Variants in ULK4 observed in about 807,000 individuals in gnomAD.
The protein encoded by ULK4 is inactive serine/threonine-protein kinase ULK4.
A neutral mutation model predicts 160.6 loss-of-function variants in ULK4; 133 were observed. That is an observed-to-expected ratio of 0.83 (90% CI 0.72 to 0.96). The LOEUF (loss-of-function observed/expected upper bound fraction) is 0.96, where lower values mean the gene tolerates loss of function less well. ULK4 is among the 40% of genes least tolerant of loss of function. The pLI, the probability that ULK4 is intolerant of heterozygous loss-of-function variation, is 0.00. For synonymous variants in ULK4, 534 were observed against 539.8 expected (o/e 0.99, Z 0.15); for missense variants, 1,580 against 1,499.5 (o/e 1.05, Z -0.89).
chr3:41,918,682 C>A (rs570211344), intron 6 of ULK4, 142 bp from the exon 7 acceptor site: 5,123 of 452,376 alleles, frequency 0.011, 191 homozygotes, highest in East Asian at 0.099. Context: ...GCTCACTGCA[C>A]ACTCCGCCTC....
chr3:41,813,408 T>A (rs2040872749), intron 19 of ULK4, among the ~76,000 whole-genome samples: 1 of 152,254 alleles, frequency 6.6e-6, no homozygotes, highest in South Asian at 2.1e-4. Flanking sequence ...GTTTATTAGA[T>A]AATTCTGATG....
chr3:41,495,246 C>T (rs1463541292), intron 32 of ULK4, among the ~76,000 whole-genome samples: 1 of 152,044 alleles, frequency 6.6e-6, no homozygotes, highest in African/African-American at 2.4e-5. Flanking sequence ...ATCAATGGAA[C>T]AGAACAGAGC....
rs1282141076 is a variant in ULK4 at position 41,929,316 on chromosome 3, A to C, written c.541+2528T>G. Among the ~76,000 whole-genome samples, 6 of 152,226 alleles carry C rather than the reference A, an allele frequency of 3.9e-5. No individual in the cohort carries two copies. The South Asian group carries it at 6.2e-4, about 16-fold the overall frequency. ...CCGCTTCATGCTAAAAACTCTCAAT[A>C]AACTTGGTATTGATGGAACGTATCT... On this transcript the variant is annotated intron_variant, in intron 5 of 36. Coordinates refer to ENST00000301831, the MANE Select transcript of ULK4 (RefSeq NM_017886.4).
intron 31 of ULK4, among the ~76,000 whole-genome samples, chr3:41,583,862 T>C (rs2030572891): frequency 6.6e-6 from 1 of 152,232 alleles, no homozygotes; most frequent in African/African-American, 2.4e-5. Context: ...TGTCAAAAGG[T>C]ACACAAATGT....
At chr3:41,689,049 G>A (rs908243192) in intron 27 of ULK4, among the ~76,000 whole-genome samples, 3 of 152,082 alleles carry the variant, frequency 2.0e-5, no homozygotes, top group South Asian at 2.1e-4. Context: ...AATGTTCCCC[G>A]AACCAATCAC....
At chr3:41,519,734 C>A (rs1361727765) in intron 32 of ULK4, among the ~76,000 whole-genome samples, 1 of 152,198 alleles carries the variant, frequency 6.6e-6, no homozygotes, top group Non-Finnish European at 1.5e-5. Flanking sequence ...TTTAATATAT[C>A]TTTTACCTGA....
intron 2 of ULK4, among the ~76,000 whole-genome samples, chr3:41,949,313 CAG>C (rs1700211786): frequency 1.3e-5 from 2 of 148,612 alleles, no homozygotes; most frequent in Admixed American, 6.6e-5. Flanking sequence ...GTCACACACA[CAG>C]ACACACACAC....
intron 31 of ULK4, among the ~76,000 whole-genome samples, chr3:41,602,719 T>C (rs2032178274): frequency 6.6e-6 from 1 of 152,138 alleles, no homozygotes; most frequent in Non-Finnish European, 1.5e-5. Flanking sequence ...AAAAGAAATT[T>C]CTGTGAAGGC....
At chr3:41,577,917 T>A (rs1210404215) in intron 31 of ULK4, among the ~76,000 whole-genome samples, 9 of 152,198 alleles carry the variant, frequency 5.9e-5, no homozygotes, top group Admixed American at 5.2e-4. Context: ...TTGCCCACAC[T>A]GGAGTAACAC....
chr3:41,895,504 T>C lies in ULK4; in HGVS notation c.1577+14A>G, dbSNP rs750048609. The C allele has an allele frequency of 1.6e-5, 22 of 1,374,898 alleles. No homozygotes were observed. In the East Asian group the frequency reaches 5.9e-4, roughly 37 times the overall value. The allele number at this position is 1,374,898 out of a possible 1,614,324, so 85.2% of individuals were successfully genotyped here. ...GTCATGAAAAATAATTTTTAAAATATAAACGTTACTTACATATCCCAGTTT... is the reference window on the plus strand; with the variant it reads ...GTCATGAAAAATAATTTTTAAAATACAAACGTTACTTACATATCCCAGTTT... On this transcript the variant is annotated intron_variant, in intron 16 of 36. Coordinates refer to ENST00000301831, the MANE Select transcript of ULK4 (RefSeq NM_017886.4).
chr3:41,608,068 C>T (rs887987634), intron 31 of ULK4, among the ~76,000 whole-genome samples: 1 of 152,132 alleles, frequency 6.6e-6, no homozygotes, highest in Non-Finnish European at 1.5e-5. Flanking sequence ...CAAAGATAAA[C>T]CTAAAATTTC....
rs771017497 is a variant in ULK4 at position 41,681,498 on chromosome 3, T to C, written c.2978+10A>G. The C allele has an allele frequency of 3.7e-6, 6 of 1,613,726 alleles. No individual in the cohort carries two copies. In the East Asian group the frequency reaches 1.1e-4, roughly 30 times the overall value. ...ACTTCTCTGCATGAATACAACTGCA[T>C]GATACTTACTGGGGAAGTAAGACAT... On this transcript the variant is annotated intron_variant, in intron 29 of 36. Coordinates refer to ENST00000301831, the MANE Select transcript of ULK4 (RefSeq NM_017886.4).
chr3:41,701,705 G>A (rs2036680449), intron 27 of ULK4, among the ~76,000 whole-genome samples: 1 of 152,118 alleles, frequency 6.6e-6, no homozygotes, highest in African/African-American at 2.4e-5. Flanking sequence ...AGTAAAGTCT[G>A]GTGGATATTT....
chr3:41,583,062 A>T (rs1795367), intron 31 of ULK4, among the ~76,000 whole-genome samples: 64,669 of 152,054 alleles, frequency 0.43, 14,900 homozygotes, highest in Middle Eastern at 0.52. Context: ...TGAGACACTG[A>T]TATCAAACAG....
intron 1 of ULK4, among the ~76,000 whole-genome samples, chr3:41,956,319 G>C (rs60690674): frequency 0.13 from 20,431 of 152,176 alleles, 1,513 homozygotes; most frequent in Middle Eastern, 0.27. Flanking sequence ...CAGTGGGAAA[G>C]CTCTAGGGGG....
chr3:41,431,547 C>CATTTTTTTTTTTTTTTT lies in ULK4; in HGVS notation c.3492+23949_3492+23950insAAAAAAAAAAAAAAAAT, dbSNP rs563543377. 1.5e-3 allele frequency among the ~76,000 whole-genome samples: 141 copies of CATTTTTTTTTTTTTTTT among 95,860 alleles called. 10 individuals are homozygous for CATTTTTTTTTTTTTTTT. Among genetic ancestry groups the CATTTTTTTTTTTTTTTT allele is most frequent in the African/African-American group, 5.0e-3 (119 of 23,682 alleles). 62.9% of individuals were successfully genotyped at this position (95,860 alleles called of 152,430 possible). Reference sequence around the variant, plus strand: ...CCTGTGAGGTGTTGTAATTCCCTCCCTTTTTTTTTTTTTTTGATGTGGAAA... The same window carrying CATTTTTTTTTTTTTTTT: ...CCTGTGAGGTGTTGTAATTCCCTCCCATTTTTTTTTTTTTTTTTTTTTTTTTTTTTTTGATGTGGAAA... On this transcript the variant is annotated intron_variant, in intron 34 of 36. Transcript: ENST00000301831.
Position 41,899,215 on chromosome 3 carries a change from C to T in ULK4, c.1288-723G>A, listed in dbSNP as rs1698270056. ...TCCAATTACCACATTCTACTGCCCT[C>T]CAAAAGGAGGAACAGATAGGGATTA... On this transcript the variant is annotated intron_variant, in intron 13 of 36. Coordinates refer to ENST00000301831, the MANE Select transcript of ULK4 (RefSeq NM_017886.4). 2.0e-5 allele frequency: 3 copies of T among 152,296 alleles called. No homozygotes were observed. In the South Asian group the frequency reaches 6.2e-4, roughly 32 times the overall value. 9.4% of individuals were successfully genotyped at this position (152,296 alleles called of 1,614,324 possible). A position where few individuals can be genotyped will look rare whatever the true frequency, so the allele number is the denominator to read the frequency against.
At chr3:41,687,855 C>T (rs188792084) in intron 27 of ULK4, 1 of 152,208 alleles carries the variant, frequency 6.6e-6, no homozygotes, top group African/African-American at 2.4e-5. Flanking sequence ...TCCTTCCCAC[C>T]AGCTCCCAAG....
chr3:41,884,036 T>A, intron 16 of ULK4, 84 bp from the exon 17 acceptor site: 1 of 950,148 alleles, frequency 1.1e-6, no homozygotes, highest in Non-Finnish European at 1.7e-6. Context: ...TATGCAATGA[T>A]GAGCATTAGA....
Sources: gnomAD v4.1 joint callset for allele counts (sites outside exome capture counted in the v4.1 genomes callset) on GRCh38, gnomAD v4.1.1 for gene constraint, MANE v1.5 for transcripts, NCBI Gene and HGNC (gene_info 2026-07-23, HGNC 2026-07-21) for gene names.